Variants in MAPK8IP3 observed in about 807,000 individuals in gnomAD.
MAPK8IP3 encodes the protein C-Jun-amino-terminal kinase-interacting protein 3.
A neutral mutation model predicts 157.8 loss-of-function variants in MAPK8IP3; 49 were observed. That is an observed-to-expected ratio of 0.31 (90% CI 0.25 to 0.39). MAPK8IP3 has a LOEUF of 0.39. Among genes scored for constraint, MAPK8IP3 ranks in the 10% least tolerant of loss-of-function variants. The pLI, the probability that MAPK8IP3 is intolerant of heterozygous loss-of-function variation, is 1.00. For synonymous variants in MAPK8IP3, 897 were observed against 777.7 expected (o/e 1.15, Z -2.55); for missense variants, 1,478 against 1,889.4 (o/e 0.78, Z 4.04).
intron 10 of MAPK8IP3, 61 bp from the exon 11 acceptor site, chr16:1,759,897 C>A: frequency 1.4e-6 from 2 of 1,437,024 alleles, no homozygotes; most frequent in Non-Finnish European, 2.0e-6. Context: ...GAGGCAGGTG[C>A]GGCGGCATCA....
At chr16:1,726,737 A>G (rs529336679) in intron 2 of MAPK8IP3, among the ~76,000 whole-genome samples, 113 of 152,332 alleles carry the variant, frequency 7.4e-4, no homozygotes, top group African/African-American at 2.6e-3. Flanking sequence ...TTGGGGCCAG[A>G]TGAGTGCAGA....
chr16:1,717,602 G>A (rs1413053591), intron 1 of MAPK8IP3, among the ~76,000 whole-genome samples: 3 of 152,356 alleles, frequency 2.0e-5, no homozygotes, highest in East Asian at 3.9e-4. Flanking sequence ...CATGGATCAC[G>A]AGCACGTGTA....
At chr16:1,747,298 CTG>C (rs1156543616) in intron 6 of MAPK8IP3, 23 bp downstream of exon 6, 2 of 1,606,740 alleles carry the variant, frequency 1.2e-6, no homozygotes, top group African/African-American at 2.7e-5. Context: ...CTCCGGGACT[CTG>C]GGCTCCCTCG....
rs952821169 is a variant in MAPK8IP3, at chr16:1,769,658, G to A, written c.*834G>A. 1 of 152,588 alleles carries A rather than the reference G, an allele frequency of 6.6e-6. No homozygotes were observed. The highest frequency in any genetic ancestry group is 2.4e-5 in the African/African-American group (1 of 41,440). The allele number at this position is 152,588 out of a possible 1,614,324, so 9.5% of individuals were successfully genotyped here. ...TCTCAGGCTGCCAGGGCAGGCCCAG[G>A]CCTCAGGAAGAAGGGGAGGCCCCTG... On this transcript the variant is annotated 3_prime_UTR_variant, in exon 32 of 32. Transcript: ENST00000610761.
chr16:1,759,520 C>T (rs1024625278), intron 10 of MAPK8IP3, among the ~76,000 whole-genome samples: 4 of 152,158 alleles, frequency 2.6e-5, no homozygotes, highest in Non-Finnish European at 4.4e-5. Flanking sequence ...CCTGTCCTCA[C>T]AGCCGCGCCC....
intron 1 of MAPK8IP3, chr16:1,707,734 A>G (rs552986554): frequency 5.3e-4 from 80 of 152,328 alleles, no homozygotes; most frequent in African/African-American, 1.9e-3. Flanking sequence ...AGTGAATTGC[A>G]CTAGGCGATC....
rs904582925 is a variant in MAPK8IP3 at position 1,724,411 on chromosome 16, C to A, written c.319-146C>A. The stretch of plus-strand genomic sequence containing the variant: ...GGCCACAGCCACGTGGCGGGAAGCC[C>A]CCATTCCGGCCTGGCCATGGGCCAG... On this transcript the variant is annotated intron_variant, in intron 1 of 31. Coordinates refer to ENST00000610761, the MANE Select transcript of MAPK8IP3 (RefSeq NM_001318852.2). The surrounding 1 kb of genome is among the most constrained non-coding windows in gnomAD (Gnocchi z 4.1). 3 of 1,115,196 alleles carry A rather than the reference C, an allele frequency of 2.7e-6. No homozygotes were observed. The highest frequency in any genetic ancestry group is 3.8e-6 in the Non-Finnish European group (3 of 789,586). 69.1% of individuals were successfully genotyped at this position (1,115,196 alleles called of 1,614,324 possible). A position where few individuals can be genotyped will look rare whatever the true frequency, so the allele number is the denominator to read the frequency against.
chr16:1,761,184 G>A (rs201957670), intron 12 of MAPK8IP3, 40 bp from the exon 13 acceptor site: 2 of 1,538,280 alleles, frequency 1.3e-6, no homozygotes, highest in East Asian at 2.2e-5. Context: ...GAGGCCCCTG[G>A]GAGGCCCTCA....
At position 1,748,587 on chromosome 16, in the gene MAPK8IP3, T is replaced by C. The variant is rs751906598; in HGVS notation, c.1098-15T>C. On this transcript the variant is annotated splice_polypyrimidine_tract_variant and intron_variant, in intron 7 of 31. Coordinates refer to ENST00000610761, the MANE Select transcript of MAPK8IP3 (RefSeq NM_001318852.2). ...ACTGACTCTGCTCTCTCTCCCGACC[T>C]GTGGATCCCAACAGCCCAACCCAGG... 9 of 1,602,674 alleles carry C rather than the reference T, an allele frequency of 5.6e-6. No homozygotes were observed. The highest frequency in any genetic ancestry group is 1.1e-5 in the South Asian group (1 of 90,820).
intron 8 of MAPK8IP3, among the ~76,000 whole-genome samples, chr16:1,755,762 G>A (rs1041510425): frequency 3.3e-5 from 5 of 151,000 alleles, no homozygotes; most frequent in Admixed American, 6.6e-5. Flanking sequence ...CAAGTGAATC[G>A]CTTGAACCCG....
chr16:1,722,617 C>T (rs1357838267), intron 1 of MAPK8IP3, among the ~76,000 whole-genome samples: 2 of 151,974 alleles, frequency 1.3e-5, no homozygotes, highest in Non-Finnish European at 2.9e-5. Flanking sequence ...ATAATCCCAG[C>T]GCTTTGGGAG....
At chr16:1,747,915 G>C (rs2041066233) in intron 6 of MAPK8IP3, among the ~76,000 whole-genome samples, 2 of 152,264 alleles carry the variant, frequency 1.3e-5, no homozygotes, top group South Asian at 4.1e-4. Context: ...AGGCCAGTGA[G>C]GGAAAGAGAA....
chr16:1,760,415 C>T lies in MAPK8IP3; in HGVS notation c.1340C>T (p.Ala447Val). 6.2e-7 allele frequency: 1 copy of T among 1,613,728 alleles called. No individual in the cohort carries two copies. The highest frequency in any genetic ancestry group is 8.5e-7 in the Non-Finnish European group (1 of 1,179,776). Residue 447 changes from alanine (A) to valine (V), a missense_variant, in exon 12 of 32, where the codon GCC (alanine) becomes GTC (valine). Coordinates refer to ENST00000610761, the MANE Select transcript of MAPK8IP3 (RefSeq NM_001318852.2). ...ALNVVKNDLIAKVDQLSGEQE... is the reference protein window; with the variant it reads ...ALNVVKNDLIVKVDQLSGEQE... ...AATGTGGTGAAGAATGACCTGATTGCCAAGGTCGACCAGCTGTCCGGGGAG... is the reference window on the plus strand; with the variant it reads ...AATGTGGTGAAGAATGACCTGATTGTCAAGGTCGACCAGCTGTCCGGGGAG...
chr16:1,768,386 T>A lies in MAPK8IP3; in HGVS notation c.3742+8T>A, dbSNP rs372243879. 1.3e-6 allele frequency: 2 copies of A among 1,599,054 alleles called. No individual in the cohort carries two copies. Among genetic ancestry groups the A allele is most frequent in the Non-Finnish European group, 1.7e-6 (2 of 1,178,950 alleles). On this transcript the variant is annotated splice_region_variant and intron_variant, in intron 30 of 31. Transcript: ENST00000610761. ...TCTTTGTCTCGGTGCCAGGTGAGGCTGGGCCCCTCCTGCCATCCACATCCC... is the reference window on the plus strand; with the variant it reads ...TCTTTGTCTCGGTGCCAGGTGAGGCAGGGCCCCTCCTGCCATCCACATCCC...
rs1764288261 is a variant in MAPK8IP3, at chr16:1,767,402, C to T, written c.3237+105C>T. The T allele has an allele frequency of 2.6e-6, 4 of 1,517,682 alleles. No individual in the cohort carries two copies. The South Asian group carries it at 4.8e-5, about 18-fold the overall frequency. The allele number at this position is 1,517,682 out of a possible 1,614,324, so 94.0% of individuals were successfully genotyped here. A position where few individuals can be genotyped will look rare whatever the true frequency, so the allele number is the denominator to read the frequency against. On this transcript the variant is annotated intron_variant, in intron 26 of 31. Coordinates refer to ENST00000610761, the MANE Select transcript of MAPK8IP3 (RefSeq NM_001318852.2). ...CCACGAGGCCCTACGTGGGTCCCAT[C>T]TCCCCTGTACCACCTATGACTCAGG...
chr16:1,758,138 G>T lies in MAPK8IP3; in HGVS notation c.1217-10G>T. 1.2e-6 allele frequency: 2 copies of T among 1,613,514 alleles called. No individual in the cohort carries two copies. The highest frequency in any genetic ancestry group is 1.7e-6 in the Non-Finnish European group (2 of 1,179,700). ...TCCCCTGCCTCTCTGTGCGTCGCTGGACTCGCCAGGGGAGTTCTCAGGTGA... is the reference window on the plus strand; with the variant it reads ...TCCCCTGCCTCTCTGTGCGTCGCTGTACTCGCCAGGGGAGTTCTCAGGTGA... On this transcript the variant is annotated splice_polypyrimidine_tract_variant and intron_variant, in intron 8 of 31. Coordinates refer to ENST00000610761, the MANE Select transcript of MAPK8IP3 (RefSeq NM_001318852.2).
chr16:1,735,730 T>G (rs1347616339), intron 4 of MAPK8IP3, among the ~76,000 whole-genome samples: 2 of 128,644 alleles, frequency 1.6e-5, no homozygotes, highest in African/African-American at 6.1e-5. Context: ...TGACCGTCCA[T>G]GTGAGAGTGT....
chr16:1,746,936 C>G, intron 5 of MAPK8IP3, 93 bp from the exon 6 acceptor site: 1 of 1,448,484 alleles, frequency 6.9e-7, no homozygotes, highest in South Asian at 1.3e-5. Context: ...AAGTGCAAAG[C>G]ATTGGTGCGC....
rs570641369 is a variant in MAPK8IP3 at position 1,763,092 on chromosome 16, C to G, written c.1898+86C>G. 28 of 1,555,176 alleles carry G rather than the reference C, an allele frequency of 1.8e-5. No homozygotes were observed. In the African/African-American group the frequency reaches 3.2e-4, roughly 18 times the overall value. ...GGCTCCTCCCCTCCAGGCCCTGAAG[C>G]GGGACTTTGAGGGCAGCCTCCACCT... On this transcript the variant is annotated intron_variant, in intron 16 of 31. Transcript: ENST00000610761.
Sources: gnomAD v4.1 joint callset for allele counts (sites outside exome capture counted in the v4.1 genomes callset) on GRCh38, gnomAD v4.1.1 for gene constraint, Gnocchi (gnomAD v3.1) non-coding constraint, MANE v1.5 for transcripts, NCBI Gene and HGNC (gene_info 2026-07-23, HGNC 2026-07-21) for gene names.